The following NFKBID variants were observed in gnomAD, a reference collection of about 807,000 sequenced individuals.
The protein encoded by NFKBID is NF-kappa-B inhibitor delta.
Under a neutral mutation model 53.4 loss-of-function variants are expected in NFKBID, and 26 were observed. The observed-to-expected ratio is 0.49, with a 90% CI of 0.36 to 0.68. The LOEUF is 0.68. Among genes scored for constraint, NFKBID ranks in the 30% least tolerant of loss-of-function variants. NFKBID has a pLI of 0.00. For synonymous variants in NFKBID, 262 were observed against 259.8 expected (o/e 1.01, Z -0.08); for missense variants, 493 against 614.1 (o/e 0.80, Z 2.08).
Position 35,896,252 on chromosome 19 carries a change from C to A in NFKBID, c.849G>T (p.Gly283=). Residue 283 remains glycine, a synonymous_variant, in exon 8 of 12, where the codon GGG becomes GGT. Transcript: ENST00000641389. The surrounding 1 kb of genome is among the most constrained non-coding windows in gnomAD (Gnocchi z 5.7). ...CTCTGGCTTCCAGGTCAACCTGGACCCCAGAGTTAAGCACAGCCTGGGAGG... is the reference window on the plus strand; with the variant it reads ...CTCTGGCTTCCAGGTCAACCTGGACACCAGAGTTAAGCACAGCCTGGGAGG... The A allele has an allele frequency of 6.2e-7, 1 of 1,614,218 alleles. No homozygotes were observed. Among genetic ancestry groups the A allele is most frequent in the Non-Finnish European group, 8.5e-7 (1 of 1,180,044 alleles).
chr19:35,889,173 T>G (rs1974577038), intron 11 of NFKBID, among the ~76,000 whole-genome samples: 1 of 147,402 alleles, frequency 6.8e-6, no homozygotes, highest in African/African-American at 2.6e-5. Flanking sequence ...CAACATAGTG[T>G]GACCCCATCT....
chr19:35,898,870 C>T, intron 1 of NFKBID, 48 bp from the exon 2 acceptor site: 1 of 1,438,696 alleles, frequency 7.0e-7, no homozygotes, highest in Non-Finnish European at 9.4e-7. Flanking sequence ...CTTAAGTCAC[C>T]TAAATGCCGC....
In NFKBID at chr19:35,897,558, G is replaced by A. The variant is rs1458384453; in HGVS notation, c.432+93C>T. 3.3e-5 allele frequency: 24 copies of A among 736,080 alleles called. No homozygotes were observed. In the East Asian group the frequency reaches 4.2e-4, roughly 13 times the overall value. 45.6% of individuals were successfully genotyped at this position (736,080 alleles called of 1,614,324 possible). ...CACGCCCGGCCTGGAAAAGGGAATC[G>A]TAACTGAGCTCCAGACATCTCAGAA... On this transcript the variant is annotated intron_variant, in intron 4 of 11. Coordinates refer to ENST00000641389, the Ensembl canonical transcript of NFKBID.
chr19:35,890,793 G>T, intron 9 of NFKBID: 2 of 388,914 alleles, frequency 5.1e-6, no homozygotes, highest in Admixed American at 3.4e-5. Context: ...GAGCCTAGGA[G>T]TTCACGGCTG....
rs748957539 is a variant in NFKBID, at chr19:35,890,005, G to A, written c.1199C>T (p.Pro400Leu). The change falls in exon 11 of 12, where the codon CCG becomes CTG. Residue 400 changes from proline (P) to leucine (L), a missense_variant. Coordinates refer to ENST00000641389, the Ensembl canonical transcript of NFKBID. ...GTGCCGCACGATGGCCTCCTGGGCC[G>A]GCCCAGGGGGCAGGGCAGCCGCCAT... is the stretch of plus-strand genomic sequence containing the variant. 1.4e-5 allele frequency: 22 copies of A among 1,608,490 alleles called. No homozygotes were observed. Among genetic ancestry groups the A allele is most frequent in the African/African-American group, 1.3e-5 (1 of 75,002 alleles).
chr19:35,898,890 G>T, intron 1 of NFKBID, 68 bp from the exon 2 acceptor site: 2 of 1,289,480 alleles, frequency 1.6e-6, no homozygotes, highest in Non-Finnish European at 1.1e-6. Context: ...CGGGGGTGGC[G>T]CGCGGGGAGT....
At chr19:35,891,829 T>C (rs935244526) in intron 9 of NFKBID, among the ~76,000 whole-genome samples, 2 of 151,620 alleles carry the variant, frequency 1.3e-5, no homozygotes, top group Non-Finnish European at 2.9e-5. Context: ...ATCACACCAT[T>C]GCAATCCAGC....
At position 35,890,361 on chromosome 19, in the gene NFKBID, C is replaced by A; in HGVS notation, c.1149+13G>T. 1.3e-6 allele frequency: 2 copies of A among 1,583,440 alleles called. No individual in the cohort carries two copies. The highest frequency in any genetic ancestry group is 1.7e-6 in the Non-Finnish European group (2 of 1,152,432). On this transcript the variant is annotated intron_variant, in intron 10 of 11. Transcript: ENST00000641389. The stretch of plus-strand genomic sequence containing the variant: ...ACCCCACACAATCTGCACTTCCCAG[C>A]CCCAGCTCCCACCTTCATGTTGACA...
exon 4 of NFKBID, chr19:35,897,847 G>A: frequency 6.5e-7 from 1 of 1,549,178 alleles, no homozygotes; most frequent in Non-Finnish European, 8.7e-7. Flanking sequence ...TGCTGGGAAG[G>A]GAGGGTGGCC....
At chr19:35,897,403 C>A in intron 4 of NFKBID, 2 of 570,938 alleles carry the variant, frequency 3.5e-6, no homozygotes, top group Non-Finnish European at 6.2e-6. Flanking sequence ...TACAGGCGTG[C>A]GCCACTACAC....
intron 9 of NFKBID, chr19:35,890,822 C>T (rs1974717177): frequency 2.8e-6 from 1 of 360,990 alleles, no homozygotes; most frequent in Non-Finnish European, 5.4e-6. Context: ...CATGACCACA[C>T]CACTGCACTC....
rs764643916 is a variant in NFKBID, at chr19:35,896,118, C to G, written c.894G>C (p.Pro298=). ...TAAGGGCCAGGATGGCCGTGTGGAGCGGGGTGAGGCCTGCAGAATGGAGAC... is the reference window on the plus strand; with the variant it reads ...TAAGGGCCAGGATGGCCGTGTGGAGGGGGGTGAGGCCTGCAGAATGGAGAC... The change falls in exon 9 of 12, where the codon CCG becomes CCC. Residue 298 remains proline (P), a synonymous_variant. Coordinates refer to ENST00000641389, the Ensembl canonical transcript of NFKBID. This position sits in a 1 kb window ranked among gnomAD's most constrained non-coding sequence, Gnocchi z 5.7. 2 of 1,614,118 alleles carry G rather than the reference C, an allele frequency of 1.2e-6. No individual in the cohort carries two copies. The highest frequency in any genetic ancestry group is 3.3e-5 in the Admixed American group (2 of 60,012).
intron 3 of NFKBID, among the ~76,000 whole-genome samples, chr19:35,898,174 C>T (rs1396888952): frequency 1.3e-5 from 2 of 151,984 alleles, no homozygotes; most frequent in Non-Finnish European, 2.9e-5. Context: ...CATAGCCAGA[C>T]CCCGTTTCTA....
chr19:35,893,261 G>A (rs771537645), intron 9 of NFKBID, among the ~76,000 whole-genome samples: 18 of 152,134 alleles, frequency 1.2e-4, no homozygotes, highest in East Asian at 5.8e-4. Context: ...GTGAAGAAAC[G>A]AATGAATTAC....
chr19:35,891,091 C>A (rs1391911795), intron 9 of NFKBID, among the ~76,000 whole-genome samples: 4 of 152,142 alleles, frequency 2.6e-5, no homozygotes, highest in African/African-American at 9.7e-5. Flanking sequence ...GGCTACCTGC[C>A]CTCCATTCAA....
chr19:35,897,808 C>A, exon 4 of NFKBID: 1 of 1,589,686 alleles, frequency 6.3e-7, no homozygotes, highest in Non-Finnish European at 8.5e-7. Flanking sequence ...GCCCAGGCTG[C>A]TAGGTCCAGA....
In NFKBID at chr19:35,897,007, C is replaced by A. The variant is rs761123208; in HGVS notation, c.484G>T (p.Ala162Ser). Residue 162 changes from alanine to serine, a missense_variant, in exon 5 of 12, where the codon GCT becomes TCT. This residue lies in a region of NFKBID where 226 missense variants were observed against 229.5 expected (regional missense o/e 0.98). Transcript: ENST00000641389. ...TCCAGCGATGGTCCAGGGACCACAG[C>A]GGGGAACTGTGGGGGTCCTGAAGGG... is the stretch of plus-strand genomic sequence containing the variant. 6 of 1,607,392 alleles carry A rather than the reference C, an allele frequency of 3.7e-6. No individual in the cohort carries two copies. The South Asian group carries it at 6.6e-5, about 18-fold the overall frequency.
At chr19:35,890,297 C>T in intron 10 of NFKBID, 77 bp downstream of exon 10, 1 of 1,043,510 alleles carries the variant, frequency 9.6e-7, no homozygotes, top group South Asian at 1.3e-5. Flanking sequence ...ACGTCCACAG[C>T]CCCCAGGACC....
rs897481708 is a variant in NFKBID, at chr19:35,890,057, G to A, written c.1150-3C>T. On this transcript the variant is annotated splice_region_variant and splice_polypyrimidine_tract_variant and intron_variant, in intron 10 of 11. Coordinates refer to ENST00000641389, the Ensembl canonical transcript of NFKBID. The stretch of plus-strand genomic sequence containing the variant: ...TGGAGGGCTGTGTTCCCGTGGGCCT[G>A]GAAAAGTAAGGGGAGGGCTGGTGGG... 32 of 1,595,530 alleles carry A rather than the reference G, an allele frequency of 2.0e-5. No homozygotes were observed. The African/African-American group carries it at 2.7e-4, about 13-fold the overall frequency.
Sources: gnomAD v4.1 joint callset for allele counts (sites outside exome capture counted in the v4.1 genomes callset) on GRCh38, gnomAD v4.1.1 for gene constraint, gnomAD v4.1.1 regional missense constraint, Gnocchi (gnomAD v3.1) non-coding constraint, MANE v1.5 for transcripts, NCBI Gene and HGNC (gene_info 2026-07-23, HGNC 2026-07-21) for gene names.